The following ABHD2 variants were observed in gnomAD, a reference collection of about 807,000 sequenced individuals.
ABHD2 encodes the protein monoacylglycerol lipase ABHD2.
ABHD2 carries 20 observed loss-of-function variants against 48.1 expected under a neutral mutation model. The ratio of observed to expected loss-of-function variants is 0.42; its 90% CI spans 0.29 to 0.60. The LOEUF is 0.60. Among genes scored for constraint, ABHD2 ranks in the 20% least tolerant of loss-of-function variants. The pLI is 0.24. For missense variants in ABHD2, 405 were observed against 550.9 expected (o/e 0.74, Z 2.65); for synonymous variants, 209 against 214.2 (o/e 0.98, Z 0.21).
chr15:89,079,066 A>G, the ABHD2 span, among the ~76,000 whole-genome samples: 1 of 152,184 alleles, frequency 6.6e-6, no homozygotes, highest in Non-Finnish European at 1.5e-5. The surrounding 1 kb of genome is among the most constrained non-coding windows in gnomAD (Gnocchi z 4.3). Flanking sequence ...CTTCACAGGT[A>G]TGAGACAAAG....
chr15:89,067,765 C>A, the ABHD2 span, among the ~76,000 whole-genome samples: 2 of 152,212 alleles, frequency 1.3e-5, no homozygotes, highest in East Asian at 3.8e-4. Context: ...TCCTAACACT[C>A]TGTGGAGCAA....
At chr15:89,178,139 A>G (rs2051047055) in intron 6 of ABHD2, among the ~76,000 whole-genome samples, 1 of 152,212 alleles carries the variant, frequency 6.6e-6, no homozygotes, top group South Asian at 2.1e-4. Context: ...GCAAGTTGCA[A>G]CTTTATTGTC....
At chr15:89,088,177 C>T (rs1224886547), upstream of ABHD2, 2 of 152,432 alleles carry the variant, frequency 1.3e-5, no homozygotes, top group African/African-American at 4.8e-5. This position sits in a 1 kb window ranked among gnomAD's most constrained non-coding sequence, Gnocchi z 6.8. Context: ...CCCGCCCACT[C>T]CGGGCTGGCC....
intron 4 of ABHD2, among the ~76,000 whole-genome samples, 172 bp downstream of exon 4, chr15:89,152,024 A>G (rs1313620888): frequency 6.6e-6 from 1 of 151,848 alleles, no homozygotes; most frequent in African/African-American, 2.4e-5. Context: ...GGTTAGCTTC[A>G]GCGTATGTTT....
At chr15:89,105,583 A>G (rs757022890) in intron 1 of ABHD2, among the ~76,000 whole-genome samples, 13 of 152,366 alleles carry the variant, frequency 8.5e-5, no homozygotes, top group African/African-American at 2.9e-4. Context: ...TTATCTGTCA[A>G]TCCCTCCAGT....
rs1436845311 is a variant in ABHD2 at position 89,200,154 on chromosome 15, T to C, written c.*4731T>C. 1 of 152,240 alleles carries C rather than the reference T, an allele frequency of 6.6e-6. No individual in the cohort carries two copies. The highest frequency in any genetic ancestry group is 2.4e-5 in the African/African-American group (1 of 41,462). The allele number at this position is 152,240 out of a possible 1,614,324, so 9.4% of individuals were successfully genotyped here. On this transcript the variant is annotated 3_prime_UTR_variant, in exon 11 of 11. Transcript: ENST00000352732. ...TAATAATAAGCTGAAATTAGTTTTTTTTTTAATTCTCCAATTTAAAACTTT... is the reference window on the plus strand; with the variant it reads ...TAATAATAAGCTGAAATTAGTTTTTCTTTTAATTCTCCAATTTAAAACTTT...
chr15:89,125,097 A>C (rs980691094), intron 3 of ABHD2, among the ~76,000 whole-genome samples: 4 of 151,924 alleles, frequency 2.6e-5, no homozygotes, highest in Non-Finnish European at 4.4e-5. Context: ...CTCAAAAAAA[A>C]AAAAACCAGT....
Position 89,170,080 on chromosome 15 carries a change from C to CTTTTTTTTTTTTTTTTTTTT in ABHD2, c.539-5718_539-5699dup, listed in dbSNP as rs748983183. Among the ~76,000 whole-genome samples, 3 of 37,502 alleles carry CTTTTTTTTTTTTTTTTTTTT rather than the reference C, an allele frequency of 8.0e-5. 1 individual carries two copies. The highest frequency in any genetic ancestry group is 1.1e-3 in the Admixed American group (2 of 1,852). 24.6% of individuals were successfully genotyped at this position (37,502 alleles called of 152,430 possible). On this transcript the variant is annotated intron_variant, in intron 5 of 10. Coordinates refer to ENST00000352732, the MANE Select transcript of ABHD2 (RefSeq NM_152924.5). The stretch of plus-strand genomic sequence containing the variant: ...GAGCCATTCCATGTCAGATCAGATT[C>CTTTTTTTTTTTTTTTTTTTT]TTTTTTTTTTTTTTTTTTTTTTTTT...
Position 89,140,411 on chromosome 15 carries a change from A to T in ABHD2, c.195-11266A>T, listed in dbSNP as rs116051041. ...CTCTGTGCTTGAAATTCCTTCTTGTACCTGATGCTTTGGAATTTAGGCAGG... is the reference window on the plus strand; with the variant it reads ...CTCTGTGCTTGAAATTCCTTCTTGTTCCTGATGCTTTGGAATTTAGGCAGG... On this transcript the variant is annotated intron_variant, in intron 3 of 10. Transcript: ENST00000352732. Among the ~76,000 whole-genome samples, 1,003 of 152,158 alleles carry T rather than the reference A, an allele frequency of 6.6e-3. 10 individuals carry two copies. Among genetic ancestry groups the T allele is most frequent in the African/African-American group, 0.023 (944 of 41,488 alleles).
chr15:89,114,928 A>G lies in ABHD2; in HGVS notation c.-7+1104A>G, dbSNP rs79839769. ...CCTGATGGTGGAAGACTAGTTACGG[A>G]GCTGTGATCTTTTACTTCCATTCAT... On this transcript the variant is annotated intron_variant, in intron 2 of 10. Transcript: ENST00000352732. This position sits in a 1 kb window ranked among gnomAD's most constrained non-coding sequence, Gnocchi z 4.2. 9.5e-3 allele frequency among the ~76,000 whole-genome samples: 1,444 copies of G among 152,294 alleles called. 20 individuals carry two copies. Among genetic ancestry groups the G allele is most frequent in the African/African-American group, 0.031 (1,307 of 41,556 alleles).
At chr15:89,051,953 T>C in the ABHD2 span, among the ~76,000 whole-genome samples, 1 of 152,156 alleles carries the variant, frequency 6.6e-6, no homozygotes. Context: ...GAGAAGCTAT[T>C]GGTAGACTGA....
the ABHD2 span, among the ~76,000 whole-genome samples, chr15:89,075,114 A>G: frequency 2.0e-5 from 3 of 152,328 alleles, no homozygotes; most frequent in Admixed American, 2.0e-4. This position sits in a 1 kb window ranked among gnomAD's most constrained non-coding sequence, Gnocchi z 4.1. Flanking sequence ...AGTGCCTACT[A>G]TCACTTGGGT....
rs937492325 is a variant in ABHD2, at chr15:89,195,609, T to A, written c.*186T>A. 8 of 591,582 alleles carry A rather than the reference T, an allele frequency of 1.4e-5. No individual in the cohort carries two copies. The highest frequency in any genetic ancestry group is 1.3e-4 in the African/African-American group (7 of 52,930). 36.6% of individuals were successfully genotyped at this position (591,582 alleles called of 1,614,324 possible). ...TCCTGGGAGCTCCAGGCTATTTTTG[T>A]GCTTAGTTACTGGTTTTCTCCATTG... On this transcript the variant is annotated 3_prime_UTR_variant, in exon 11 of 11. Coordinates refer to ENST00000352732, the MANE Select transcript of ABHD2 (RefSeq NM_152924.5). The surrounding 1 kb of genome is among the most constrained non-coding windows in gnomAD (Gnocchi z 5.1).
In ABHD2 at chr15:89,174,464, A is replaced by G. The variant is rs1397286631; in HGVS notation, c.539-1348A>G. On this transcript the variant is annotated intron_variant, in intron 5 of 10. Transcript: ENST00000352732. This position sits in a 1 kb window ranked among gnomAD's most constrained non-coding sequence, Gnocchi z 4.1. ...CTCCAGGTGATTCTATGCACACTGCAGCTTAAGAACTGCATGGGGCTGTGC... is the reference window on the plus strand; with the variant it reads ...CTCCAGGTGATTCTATGCACACTGCGGCTTAAGAACTGCATGGGGCTGTGC... Among the ~76,000 whole-genome samples the G allele has an allele frequency of 6.6e-6, 1 of 152,222 alleles. No individual in the cohort carries two copies. The highest frequency in any genetic ancestry group is 2.4e-5 in the African/African-American group (1 of 41,460).
Position 89,156,008 on chromosome 15 carries a change from C to T in ABHD2, c.538+474C>T, listed in dbSNP as rs557077557. On this transcript the variant is annotated intron_variant, in intron 5 of 10. Coordinates refer to ENST00000352732, the MANE Select transcript of ABHD2 (RefSeq NM_152924.5). Reference sequence around the variant, plus strand: ...TTCCTGGGGAACAGGAACTAGATCTCGTCTTTCGACGAATGCTTCTTGATT... The same window carrying T: ...TTCCTGGGGAACAGGAACTAGATCTTGTCTTTCGACGAATGCTTCTTGATT... Among the ~76,000 whole-genome samples the T allele has an allele frequency of 4.6e-5, 7 of 152,054 alleles. No homozygotes were observed. The East Asian group carries it at 7.7e-4, about 17-fold the overall frequency.
chr15:89,164,626 A>G lies in ABHD2; in HGVS notation c.538+9092A>G, dbSNP rs2050810281. 6.6e-6 allele frequency among the ~76,000 whole-genome samples: 1 copy of G among 152,142 alleles called. No individual in the cohort carries two copies. The highest frequency in any genetic ancestry group is 1.5e-5 in the Non-Finnish European group (1 of 68,026). ...AACATGGTGAAACCTCATCTCTACT[A>G]AAAATGAAAAAAGCCAGGTGTGATG... On this transcript the variant is annotated intron_variant, in intron 5 of 10. Transcript: ENST00000352732. This position sits in a 1 kb window ranked among gnomAD's most constrained non-coding sequence, Gnocchi z 5.0.
At chr15:89,043,818 G>C in the ABHD2 span, among the ~76,000 whole-genome samples, 1 of 151,938 alleles carries the variant, frequency 6.6e-6, no homozygotes, top group Non-Finnish European at 1.5e-5. Context: ...TATCAGCTTG[G>C]GATAAATATT....
Position 89,193,215 on chromosome 15 carries a change from G to C in ABHD2, c.997-20G>C, listed in dbSNP as rs1567114301. 2 of 1,612,958 alleles carry C rather than the reference G, an allele frequency of 1.2e-6. No individual in the cohort carries two copies. The highest frequency in any genetic ancestry group is 1.3e-5 in the African/African-American group (1 of 75,016). On this transcript the variant is annotated intron_variant, in intron 9 of 10. Coordinates refer to ENST00000352732, the MANE Select transcript of ABHD2 (RefSeq NM_152924.5). ...AAATGGGAATCAGTAGTTTAATTCT[G>C]CTTTATGTTCTTGTTGCAGATTTAT...
chr15:89,066,796 G>A, the ABHD2 span, among the ~76,000 whole-genome samples: 1 of 152,172 alleles, frequency 6.6e-6, no homozygotes, highest in African/African-American at 2.4e-5. Flanking sequence ...CAGCCAAGAG[G>A]CCAAGTCAAG....
Sources: gnomAD v4.1 joint callset for allele counts (sites outside exome capture counted in the v4.1 genomes callset) on GRCh38, gnomAD v4.1.1 for gene constraint, Gnocchi (gnomAD v3.1) non-coding constraint, MANE v1.5 for transcripts, NCBI Gene and HGNC (gene_info 2026-07-23, HGNC 2026-07-21) for gene names.